CPQ: variants seen among roughly 807,000 people sequenced by gnomAD.
CPQ encodes carboxypeptidase Q.
A neutral mutation model predicts 45.7 loss-of-function variants in CPQ; 37 were observed. The ratio of observed to expected loss-of-function variants is 0.81; its 90% CI spans 0.62 to 1.07. CPQ has a LOEUF of 1.07. Ranked by LOEUF, CPQ falls within the 50% of genes least tolerant of loss-of-function variation. The probability of loss-of-function intolerance (pLI) is 0.00; values close to 1 mark genes in which losing one functional copy is unlikely to be tolerated. For synonymous variants in CPQ, 186 were observed against 205.8 expected, an observed-to-expected ratio of 0.90 and a Z score of 0.82; for missense variants, 537 against 572.9, an observed-to-expected ratio of 0.94 and a Z score of 0.64.
chr8:96,683,144 A>G (rs1809174158), intron 1 of CPQ, among the ~76,000 whole-genome samples: 1 of 151,928 alleles, frequency 6.6e-6, no homozygotes, highest in South Asian at 2.1e-4. Context: ...TTATGATGGT[A>G]GAGATTATCC....
chr8:96,691,513 A>AAT, intron 1 of CPQ, among the ~76,000 whole-genome samples: 3 of 151,822 alleles, frequency 2.0e-5, no homozygotes, highest in Non-Finnish European at 4.4e-5. Flanking sequence ...ATCTCTCTTC[A>AAT]TACATTTAAC....
intron 4 of CPQ, among the ~76,000 whole-genome samples, chr8:96,948,637 C>T (rs962316453): frequency 9.9e-5 from 15 of 151,994 alleles, no homozygotes; most frequent in South Asian, 8.3e-4. Context: ...TGAAATGCTC[C>T]GTATGTATCT....
chr8:96,926,570 C>CTTCTTCTTCTTCTTCT (rs1563530774), intron 4 of CPQ, among the ~76,000 whole-genome samples: 5 of 46,686 alleles, frequency 1.1e-4, no homozygotes, highest in African/African-American at 5.3e-4. Flanking sequence ...CTTCCTCTTC[C>CTTCTTCTTCTTCTTCT]TCTTCCTCTT....
chr8:96,758,347 C>A (rs936712484), intron 1 of CPQ, among the ~76,000 whole-genome samples: 1 of 152,154 alleles, frequency 6.6e-6, no homozygotes, highest in Non-Finnish European at 1.5e-5. Context: ...TAATCAACAT[C>A]TTTTCTTATA....
intron 1 of CPQ, among the ~76,000 whole-genome samples, chr8:96,686,832 G>C (rs1809234933): frequency 6.6e-6 from 1 of 152,114 alleles, no homozygotes; most frequent in East Asian, 1.9e-4. Context: ...ATTTTGTTGG[G>C]AGTAAATTGA....
At chr8:97,053,686 C>T (rs973558085) in intron 6 of CPQ, among the ~76,000 whole-genome samples, 2 of 152,280 alleles carry the variant, frequency 1.3e-5, no homozygotes, top group East Asian at 1.9e-4. Context: ...GAGGTTGGAA[C>T]TATGGGAGGC....
intron 1 of CPQ, among the ~76,000 whole-genome samples, chr8:96,656,760 G>C (rs1815643080): frequency 6.6e-6 from 1 of 152,206 alleles, no homozygotes; most frequent in South Asian, 2.1e-4. Context: ...TCTGTGAACA[G>C]TGAACTTGGC....
intron 5 of CPQ, among the ~76,000 whole-genome samples, chr8:97,026,117 G>T (rs778809765): frequency 6.6e-6 from 1 of 152,102 alleles, no homozygotes; most frequent in East Asian, 1.9e-4. Flanking sequence ...CTAAGGAAGC[G>T]GTCTGAGGAC....
At chr8:96,958,305 C>T (rs1012291994) in intron 4 of CPQ, among the ~76,000 whole-genome samples, 6 of 152,162 alleles carry the variant, frequency 3.9e-5, no homozygotes, top group African/African-American at 1.4e-4. Context: ...CCTAAACTCT[C>T]TGTGTCTTTT....
At position 96,991,170 on chromosome 8, in the gene CPQ, C is replaced by T. The variant is rs551611905; in HGVS notation, c.961+25124C>T. Reference sequence around the variant, plus strand: ...ATAAAGACCCAGGTTTGAGGCCTGACTCTGCCACCTGCTGTCTCAAAAACT... The same window carrying T: ...ATAAAGACCCAGGTTTGAGGCCTGATTCTGCCACCTGCTGTCTCAAAAACT... On this transcript the variant is annotated intron_variant, in intron 5 of 7. Transcript: ENST00000220763. Among the ~76,000 whole-genome samples the T allele has an allele frequency of 5.0e-4, 76 of 152,100 alleles. No homozygotes were observed. The South Asian group carries it at 6.8e-3, about 14-fold the overall frequency.
chr8:97,078,775 C>G (rs1586530396), intron 7 of CPQ, among the ~76,000 whole-genome samples: 3 of 138,378 alleles, frequency 2.2e-5, no homozygotes, highest in Non-Finnish European at 4.5e-5. Context: ...CTCTCTCTCT[C>G]TCTCTCTCTC....
intron 1 of CPQ, among the ~76,000 whole-genome samples, chr8:96,686,137 C>A (rs973284184): frequency 1.3e-5 from 2 of 152,006 alleles, no homozygotes; most frequent in Non-Finnish European, 2.9e-5. Flanking sequence ...GGTAAATAAT[C>A]ATATAGTTTC....
intron 4 of CPQ, among the ~76,000 whole-genome samples, chr8:96,911,954 TGTCAA>T (rs1812670227): frequency 1.3e-5 from 2 of 152,296 alleles, no homozygotes; most frequent in South Asian, 4.1e-4. Context: ...GACTGTGTGA[TGTCAA>T]GTAAGTTCTC....
chr8:96,999,497 T>C (rs1319110360), intron 5 of CPQ, among the ~76,000 whole-genome samples: 15 of 151,986 alleles, frequency 9.9e-5, no homozygotes, highest in Admixed American at 9.8e-4. Flanking sequence ...AGTATTTGTT[T>C]TTCTGTTTCT....
intron 1 of CPQ, among the ~76,000 whole-genome samples, chr8:96,661,287 A>C (rs192515409): frequency 6.6e-6 from 1 of 152,282 alleles, no homozygotes; most frequent in Non-Finnish European, 1.5e-5. Context: ...TCACATGTGC[A>C]TTCCCTACCA....
intron 1 of CPQ, among the ~76,000 whole-genome samples, chr8:96,656,503 C>T (rs952027264): frequency 1.3e-5 from 2 of 152,056 alleles, no homozygotes; most frequent in African/African-American, 4.8e-5. Context: ...TGGATGGGGT[C>T]TGGAGTATAT....
intron 2 of CPQ, among the ~76,000 whole-genome samples, chr8:96,795,779 C>G (rs1173605254): frequency 6.6e-6 from 1 of 151,782 alleles, no homozygotes; most frequent in African/African-American, 2.4e-5. Flanking sequence ...GAAGTATAGA[C>G]TTTTAAAGGA....
intron 3 of CPQ, among the ~76,000 whole-genome samples, chr8:96,866,257 G>C (rs1212909195): frequency 6.6e-6 from 1 of 151,962 alleles, no homozygotes; most frequent in Non-Finnish European, 1.5e-5. Context: ...TTAAATTCTG[G>C]TAATTGGTAA....
chr8:96,757,295 G>A (rs1007383921), intron 1 of CPQ, among the ~76,000 whole-genome samples: 1 of 151,078 alleles, frequency 6.6e-6, no homozygotes, highest in Admixed American at 6.6e-5. Flanking sequence ...AGGTTGCAGT[G>A]AGCCGAGATC....
Sources: gnomAD v4.1 joint callset for allele counts (sites outside exome capture counted in the v4.1 genomes callset) on GRCh38, gnomAD v4.1.1 for gene constraint, MANE v1.5 for transcripts, NCBI Gene and HGNC (gene_info 2026-07-23, HGNC 2026-07-21) for gene names.